The following NCAM2 variants were observed in gnomAD, a reference collection of about 807,000 sequenced individuals.
NCAM2 encodes N-CAM-2.
In NCAM2, 30 loss-of-function variants were observed where a neutral mutation model predicts 98.1. The ratio of observed to expected loss-of-function variants is 0.31; its 90% CI spans 0.23 to 0.41. The LOEUF (loss-of-function observed/expected upper bound fraction) is 0.41. Ranked by LOEUF, NCAM2 falls within the 10% of genes least tolerant of loss-of-function variation. The probability of loss-of-function intolerance (pLI) is 1.00; values close to 1 mark genes in which losing one functional copy is unlikely to be tolerated. For synonymous variants in NCAM2, 368 were observed against 342.4 expected (o/e 1.07, Z -0.83); for missense variants, 867 against 1,005.8 (o/e 0.86, Z 1.87).
chr21:21,309,351 A>T (rs2073976714), intron 5 of NCAM2, among the ~76,000 whole-genome samples: 3 of 152,098 alleles, frequency 2.0e-5, no homozygotes, highest in South Asian at 4.1e-4. Context: ...AAACAGTTTA[A>T]TCCTTCAGTC....
At chr21:21,361,509 T>C (rs2075645527) in intron 8 of NCAM2, among the ~76,000 whole-genome samples, 1 of 152,106 alleles carries the variant, frequency 6.6e-6, no homozygotes, top group South Asian at 2.1e-4. Context: ...TTGATCATTC[T>C]TTGTCTTCTA....
intron 1 of NCAM2, among the ~76,000 whole-genome samples, chr21:21,122,673 A>G (rs1255332067): frequency 6.6e-6 from 1 of 152,120 alleles, no homozygotes; most frequent in Non-Finnish European, 1.5e-5. Flanking sequence ...TCTGTTTCCT[A>G]TGGCTTACGT....
chr21:21,316,781 C>T (rs1355045351), intron 5 of NCAM2, among the ~76,000 whole-genome samples: 7 of 151,826 alleles, frequency 4.6e-5, no homozygotes, highest in Admixed American at 1.3e-4. Context: ...TGACCTCAGG[C>T]GATCTGCCTG....
At chr21:21,293,851 A>C (rs781348521) in intron 5 of NCAM2, among the ~76,000 whole-genome samples, 1 of 151,696 alleles carries the variant, frequency 6.6e-6, no homozygotes, top group Admixed American at 6.6e-5. Context: ...TTAAGTACGT[A>C]CTTATGAAAA....
intron 8 of NCAM2, among the ~76,000 whole-genome samples, chr21:21,356,896 A>G (rs1317181099): frequency 2.6e-4 from 40 of 152,134 alleles, no homozygotes; most frequent in Non-Finnish European, 4.4e-5. Flanking sequence ...AGGCTGAGGC[A>G]GGAGAATCGC....
chr21:21,079,957 A>G (rs1229038102), intron 1 of NCAM2, among the ~76,000 whole-genome samples: 1 of 152,202 alleles, frequency 6.6e-6, no homozygotes, highest in Non-Finnish European at 1.5e-5. Flanking sequence ...TGCCTGGAAC[A>G]ATCATGCTTT....
At chr21:21,055,000 A>G (rs951062158) in intron 1 of NCAM2, among the ~76,000 whole-genome samples, 1 of 152,068 alleles carries the variant, frequency 6.6e-6, no homozygotes, top group Non-Finnish European at 1.5e-5. Flanking sequence ...GAAAGAATGT[A>G]TCTCACAAAC....
chr21:21,309,720 C>T (rs1005020115), intron 5 of NCAM2, among the ~76,000 whole-genome samples: 2 of 152,122 alleles, frequency 1.3e-5, no homozygotes, highest in African/African-American at 2.4e-5. Context: ...CTTCTCTGTA[C>T]TATTAGCACT....
At chr21:21,453,727 T>C (rs527366147) in intron 12 of NCAM2, among the ~76,000 whole-genome samples, 3 of 152,228 alleles carry the variant, frequency 2.0e-5, no homozygotes, top group South Asian at 2.1e-4. Context: ...TCACTTGATA[T>C]ACATTTTCCT....
chr21:21,046,657 C>T (rs1296364194), intron 1 of NCAM2, among the ~76,000 whole-genome samples: 1 of 152,150 alleles, frequency 6.6e-6, no homozygotes, highest in Non-Finnish European at 1.5e-5. Context: ...CTTGCCAGCA[C>T]CAAAAACTCC....
intron 1 of NCAM2, among the ~76,000 whole-genome samples, chr21:21,151,873 T>C (rs906581249): frequency 1.3e-5 from 2 of 152,072 alleles, no homozygotes; most frequent in Non-Finnish European, 2.9e-5. Context: ...GTGACTTTTT[T>C]CTCTAGCTGC....
At chr21:21,234,242 A>G (rs1050541482) in intron 1 of NCAM2, among the ~76,000 whole-genome samples, 1 of 151,810 alleles carries the variant, frequency 6.6e-6, no homozygotes, top group East Asian at 1.9e-4. Flanking sequence ...ACTCTAGTTA[A>G]TGCAGGAGTA....
At position 21,513,510 on chromosome 21, in the gene NCAM2, C is replaced by G. The variant is rs113432160; in HGVS notation, c.2282+4455C>G. Among the ~76,000 whole-genome samples, 596 of 151,738 alleles carry G rather than the reference C, an allele frequency of 3.9e-3. 9 individuals carry two copies. The highest frequency in any genetic ancestry group is 0.014 in the African/African-American group (575 of 41,340). ...ATGTGTTTCTATTGTTTCCAAAGTT[C>G]CTCTTTTTATTGACTTTTAGTTTAT... On this transcript the variant is annotated intron_variant, in intron 16 of 17. Transcript: ENST00000400546.
At chr21:21,357,023 A>AAATAAATAAATGAATG (rs548233793) in intron 8 of NCAM2, among the ~76,000 whole-genome samples, 1 of 146,602 alleles carries the variant, frequency 6.8e-6, no homozygotes, top group African/African-American at 2.5e-5. Context: ...ATAAATAAAT[A>AAATAAATAAATGAATG]AATGTTTCTT....
intron 9 of NCAM2, among the ~76,000 whole-genome samples, chr21:21,394,034 G>A (rs1213837955): frequency 6.6e-6 from 1 of 152,142 alleles, no homozygotes; most frequent in Non-Finnish European, 1.5e-5. Flanking sequence ...GTGCTAAGAA[G>A]TCACATATAG....
intron 1 of NCAM2, among the ~76,000 whole-genome samples, chr21:21,175,817 G>A (rs561281945): frequency 1.3e-5 from 2 of 152,308 alleles, no homozygotes; most frequent in African/African-American, 4.8e-5. Flanking sequence ...GATTTGTACT[G>A]TGGTAGGTAT....
At chr21:21,399,561 T>C (rs2076584776) in intron 9 of NCAM2, among the ~76,000 whole-genome samples, 1 of 152,216 alleles carries the variant, frequency 6.6e-6, no homozygotes, top group Non-Finnish European at 1.5e-5. Context: ...CTCATCAATA[T>C]GATTTTTAAA....
intron 9 of NCAM2, among the ~76,000 whole-genome samples, chr21:21,379,233 T>A (rs2148077755): frequency 6.6e-6 from 1 of 152,224 alleles, no homozygotes; most frequent in East Asian, 1.9e-4. Context: ...TTAATTCATA[T>A]TTTCTATAAT....
chr21:21,268,216 C>G (rs1260987867), intron 1 of NCAM2, among the ~76,000 whole-genome samples: 1 of 152,154 alleles, frequency 6.6e-6, no homozygotes, highest in Non-Finnish European at 1.5e-5. Flanking sequence ...GCTCCATGTT[C>G]CATCCCACTC....
Sources: gnomAD v4.1 joint callset for allele counts (sites outside exome capture counted in the v4.1 genomes callset) on GRCh38, gnomAD v4.1.1 for gene constraint, MANE v1.5 for transcripts, NCBI Gene and HGNC (gene_info 2026-07-23, HGNC 2026-07-21) for gene names.